Variants in UBQLN4 observed in about 807,000 individuals in gnomAD.
The protein encoded by UBQLN4 is ubiquilin 4.
UBQLN4 carries 11 observed loss-of-function variants against 60.4 expected under a neutral mutation model. The ratio of observed to expected loss-of-function variants is 0.18; its 90% CI spans 0.11 to 0.30. The LOEUF is 0.30. UBQLN4 is among the 10% of genes least tolerant of loss of function. UBQLN4 has a pLI of 1.00. For synonymous variants in UBQLN4, 258 were observed against 313.1 expected (o/e 0.82, Z 1.86); for missense variants, 417 against 795.5 (o/e 0.52, Z 5.72).
intron 5 of UBQLN4, among the ~76,000 whole-genome samples, chr1:156,046,565 A>G (rs59781317): frequency 0.26 from 38,855 of 149,048 alleles, 6,223 homozygotes; most frequent in East Asian, 0.84. Context: ...AAAAGCAGCC[A>G]AGTGCAGTGG....
chr1:156,049,977 T>C (rs1683824706), intron 4 of UBQLN4, among the ~76,000 whole-genome samples: 1 of 152,210 alleles, frequency 6.6e-6, no homozygotes, highest in Admixed American at 6.5e-5. Context: ...CTCAGCTCGG[T>C]GACATTTCTT....
At position 156,037,092 on chromosome 1, in the gene UBQLN4, C is replaced by T. The variant is rs1248118435; in HGVS notation, c.1692G>A (p.Glu564=). 1.2e-6 allele frequency: 2 copies of T among 1,614,236 alleles called. No individual in the cohort carries two copies. Among genetic ancestry groups the T allele is most frequent in the Non-Finnish European group, 1.7e-6 (2 of 1,180,038 alleles). Reference sequence around the variant, plus strand: ...TGATGAAGCCCATGGAGTTGAGCTGCTCCAGCTGCTGCTGAAATCTCACTT... The same window carrying T: ...TGATGAAGCCCATGGAGTTGAGCTGTTCCAGCTGCTGCTGAAATCTCACTT... ...TPEVRFQQQL[E]QLNSMGFINR... The change falls in exon 11 of 11, where the codon GAG becomes GAA. Residue 564 remains glutamate, a synonymous_variant. Coordinates refer to ENST00000368309, the MANE Select transcript of UBQLN4 (RefSeq NM_020131.5).
intron 2 of UBQLN4, 82 bp from the exon 3 acceptor site, chr1:156,051,409 G>C (rs1683867466): frequency 4.7e-6 from 7 of 1,498,658 alleles, no homozygotes; most frequent in Non-Finnish European, 6.4e-6. Flanking sequence ...GCTTGCTATG[G>C]GACAACTATT....
chr1:156,034,825 C>CTATATATATATATATATA (rs34720108), downstream of UBQLN4, among the ~76,000 whole-genome samples: 4 of 46,384 alleles, frequency 8.6e-5, no homozygotes, highest in South Asian at 1.9e-3. Context: ...CCTTAACCTT[C>CTATATATATATATATATA]TATATATATA....
At chr1:156,045,074 T>A (rs899959575) in intron 5 of UBQLN4, among the ~76,000 whole-genome samples, 1 of 151,876 alleles carries the variant, frequency 6.6e-6, no homozygotes, top group African/African-American at 2.4e-5. Flanking sequence ...GCTGAGGGAG[T>A]CCCAGACTCA....
Position 156,044,085 on chromosome 1 carries a change from C to A in UBQLN4, c.1039G>T (p.Gly347Trp). ...PPTSQAPGSGGEGTGGSGTSQ... is the reference protein window; with the variant it reads ...PPTSQAPGSGWEGTGGSGTSQ... ...GTCCCCGATCCTCCGGTGCCCTCCC[C>A]ACCGGACCCGGGGGCCTGGGAGGTG... The change falls in exon 6 of 11, where the codon GGG (glycine) becomes TGG (tryptophan). Residue 347 changes from glycine to tryptophan, a missense_variant. Transcript: ENST00000368309. 2 of 1,595,588 alleles carry A rather than the reference C, an allele frequency of 1.3e-6. No individual in the cohort carries two copies. The highest frequency in any genetic ancestry group is 1.7e-6 in the Non-Finnish European group (2 of 1,170,750).
chr1:156,045,945 A>C (rs894799580), intron 5 of UBQLN4, among the ~76,000 whole-genome samples: 3 of 151,932 alleles, frequency 2.0e-5, no homozygotes, highest in African/African-American at 7.3e-5. Flanking sequence ...TCCAGGGTTC[A>C]AGCAATTCTC....
intron 5 of UBQLN4, among the ~76,000 whole-genome samples, chr1:156,045,738 T>G (rs190548094): frequency 7.9e-5 from 12 of 152,332 alleles, no homozygotes; most frequent in African/African-American, 2.6e-4. Flanking sequence ...AAGCTAGACA[T>G]CAAAGAGAAC....
At chr1:156,053,379 G>A (rs370525574) in intron 1 of UBQLN4, among the ~76,000 whole-genome samples, 1 of 151,192 alleles carries the variant, frequency 6.6e-6, no homozygotes, top group Non-Finnish European at 1.5e-5. Context: ...AGGCCACAAG[G>A]CAAAACCCGC....
chr1:156,034,061 G>A (rs1351288499), downstream of UBQLN4, among the ~76,000 whole-genome samples: 2 of 150,202 alleles, frequency 1.3e-5, no homozygotes, highest in Admixed American at 6.7e-5. Flanking sequence ...TGAGAGTATC[G>A]GTCTCAGGCA....
chr1:156,050,601 C>T lies in UBQLN4; in HGVS notation c.479-48G>A. 6.5e-7 allele frequency: 1 copy of T among 1,549,618 alleles called. No individual in the cohort carries two copies. The highest frequency in any genetic ancestry group is 8.7e-7 in the Non-Finnish European group (1 of 1,147,080). On this transcript the variant is annotated intron_variant, in intron 3 of 10. Coordinates refer to ENST00000368309, the MANE Select transcript of UBQLN4 (RefSeq NM_020131.5). The surrounding 1 kb of genome is among the most constrained non-coding windows in gnomAD (Gnocchi z 4.6). ...CAGTCTGCCACAAGAACAGTGTCCT[C>T]ACTTAGCCAGAGCCACTGAATTCAG...
rs1290704708 is a variant in UBQLN4, at chr1:156,048,010, A to AT, written c.900+490dup. ...AAAAAAGAATGTTACATTTTTATCTATTTTTTTGTGTGTACTTGAATAGGA... is the reference window on the plus strand; with the variant it reads ...AAAAAAGAATGTTACATTTTTATCTATTTTTTTTGTGTGTACTTGAATAGGA... On this transcript the variant is annotated intron_variant, in intron 5 of 10. Coordinates refer to ENST00000368309, the MANE Select transcript of UBQLN4 (RefSeq NM_020131.5). This position sits in a 1 kb window ranked among gnomAD's most constrained non-coding sequence, Gnocchi z 4.9. 3.3e-5 allele frequency among the ~76,000 whole-genome samples: 5 copies of AT among 152,068 alleles called. No individual in the cohort carries two copies. Among genetic ancestry groups the AT allele is most frequent in the African/African-American group, 7.2e-5 (3 of 41,428 alleles).
chr1:156,047,242 AT>A (rs35659997), intron 5 of UBQLN4, among the ~76,000 whole-genome samples: 21,124 of 133,572 alleles, frequency 0.16, 1,051 homozygotes, highest in Middle Eastern at 0.22. Context: ...TAACTTGTGA[AT>A]TTTTTTTTTT....
chr1:156,050,618 T>G lies in UBQLN4; in HGVS notation c.479-65A>C, dbSNP rs1168420264. ...AGTGTCCTCACTTAGCCAGAGCCACTGAATTCAGATCTCCAGGACACGCCC... is the reference window on the plus strand; with the variant it reads ...AGTGTCCTCACTTAGCCAGAGCCACGGAATTCAGATCTCCAGGACACGCCC... On this transcript the variant is annotated intron_variant, in intron 3 of 10. Transcript: ENST00000368309. The surrounding 1 kb of genome is among the most constrained non-coding windows in gnomAD (Gnocchi z 4.6). 3.3e-6 allele frequency: 5 copies of G among 1,518,880 alleles called. No homozygotes were observed. The highest frequency in any genetic ancestry group is 4.4e-6 in the Non-Finnish European group (5 of 1,131,806). The allele number at this position is 1,518,880 out of a possible 1,614,324, so 94.1% of individuals were successfully genotyped here.
At chr1:156,043,145 A>C (rs1683612434) in intron 6 of UBQLN4, among the ~76,000 whole-genome samples, 1 of 152,326 alleles carries the variant, frequency 6.6e-6, no homozygotes, top group Middle Eastern at 3.4e-3. Flanking sequence ...AGGACAAGCC[A>C]GCTAGGAACT....
chr1:156,037,521 G>A (rs987208809), intron 10 of UBQLN4, among the ~76,000 whole-genome samples: 5 of 152,158 alleles, frequency 3.3e-5, no homozygotes, highest in South Asian at 2.1e-4. Context: ...GCGTGAATCC[G>A]GGAGGCGGAG....
intron 5 of UBQLN4, among the ~76,000 whole-genome samples, chr1:156,047,242 ATTT>A (rs35659997): frequency 3.0e-5 from 4 of 133,726 alleles, no homozygotes; most frequent in Non-Finnish European, 4.9e-5. Flanking sequence ...TAACTTGTGA[ATTT>A]TTTTTTTTTT....
chr1:156,049,848 C>T (rs555896952), intron 4 of UBQLN4, among the ~76,000 whole-genome samples: 1 of 152,238 alleles, frequency 6.6e-6, no homozygotes, highest in African/African-American at 2.4e-5. Context: ...TGGGCCCTGC[C>T]CAGCCACAGT....
intron 5 of UBQLN4, among the ~76,000 whole-genome samples, chr1:156,046,077 C>T (rs1016151213): frequency 3.9e-5 from 6 of 152,018 alleles, no homozygotes; most frequent in South Asian, 2.1e-4. Flanking sequence ...AACTCCTGAC[C>T]TCAGGTGATC....
Sources: gnomAD v4.1 joint callset for allele counts (sites outside exome capture counted in the v4.1 genomes callset) on GRCh38, gnomAD v4.1.1 for gene constraint, Gnocchi (gnomAD v3.1) non-coding constraint, MANE v1.5 for transcripts, NCBI Gene and HGNC (gene_info 2026-07-23, HGNC 2026-07-21) for gene names.